SPTLC3: variants seen among roughly 807,000 people sequenced by gnomAD.
SPTLC3 encodes the protein serine palmitoyltransferase long chain base subunit 3, also known as serine palmitoyltransferase 3.
In SPTLC3, 36 loss-of-function variants were observed where a neutral mutation model predicts 59.3. The ratio of observed to expected loss-of-function variants is 0.61; its 90% confidence interval spans 0.47 to 0.80. SPTLC3 has a LOEUF of 0.80. Ranked by LOEUF, SPTLC3 falls within the 30% of genes least tolerant of loss-of-function variation. The pLI is 0.00. For missense variants in SPTLC3, 625 were observed against 685.1 expected (o/e 0.91, Z 0.98); for synonymous variants, 257 against 240.8 (o/e 1.07, Z -0.62).
intron 9 of SPTLC3, among the ~76,000 whole-genome samples, chr20:13,137,448 TC>T (rs2038274568): frequency 6.6e-6 from 1 of 152,186 alleles, no homozygotes; most frequent in Non-Finnish European, 1.5e-5. Flanking sequence ...GATTTTTTAT[TC>T]ATATTTGGTT....
At chr20:13,117,087 T>C (rs948602519) in intron 7 of SPTLC3, among the ~76,000 whole-genome samples, 3 of 152,236 alleles carry the variant, frequency 2.0e-5, no homozygotes, top group Admixed American at 2.0e-4. Context: ...AAGCACCAAA[T>C]TTAAGTCAAA....
intron 10 of SPTLC3, among the ~76,000 whole-genome samples, chr20:13,157,166 G>A (rs570815485): frequency 3.3e-5 from 5 of 152,100 alleles, no homozygotes; most frequent in East Asian, 1.9e-4. Context: ...AGCCGGGTAC[G>A]GTAGCTCATG....
At chr20:13,145,761 A>C (rs748610533) in intron 9 of SPTLC3, among the ~76,000 whole-genome samples, 4 of 152,244 alleles carry the variant, frequency 2.6e-5, no homozygotes, top group Non-Finnish European at 5.9e-5. Flanking sequence ...TACAGCAACC[A>C]AAACAGCATG....
Position 13,167,021 on chromosome 20 carries a change from A to T in SPTLC3, c.*2154A>T, listed in dbSNP as rs192828813. 141 of 152,336 alleles carry T rather than the reference A, an allele frequency of 9.3e-4. No homozygotes were observed. Among genetic ancestry groups the T allele is most frequent in the African/African-American group, 3.3e-3 (137 of 41,580 alleles). 9.4% of individuals were successfully genotyped at this position (152,336 alleles called of 1,614,324 possible). A position where few individuals can be genotyped will look rare whatever the true frequency, so the allele number is the denominator to read the frequency against. ...CAAAACAAAAGGACCTGTTTCTGTTAGAGAGTCCATGTTGAATATACAGGT... is the reference window on the plus strand; with the variant it reads ...CAAAACAAAAGGACCTGTTTCTGTTTGAGAGTCCATGTTGAATATACAGGT... On this transcript the variant is annotated 3_prime_UTR_variant, in exon 12 of 12. Transcript: ENST00000399002.
At chr20:13,128,760 G>A (rs1238667624) in intron 9 of SPTLC3, among the ~76,000 whole-genome samples, 1 of 151,764 alleles carries the variant, frequency 6.6e-6, no homozygotes, top group African/African-American at 2.4e-5. Context: ...ACATGATCTT[G>A]GCTCACTACA....
chr20:13,078,625 A>G (rs6131429), intron 4 of SPTLC3, among the ~76,000 whole-genome samples: 41,812 of 152,128 alleles, frequency 0.27, 5,910 homozygotes, highest in Middle Eastern at 0.34. Context: ...TCATTCTCTA[A>G]GTTAATGAAT....
chr20:13,103,629 C>A (rs1398379703), intron 6 of SPTLC3, among the ~76,000 whole-genome samples: 1 of 152,122 alleles, frequency 6.6e-6, no homozygotes, highest in African/African-American at 2.4e-5. Context: ...AAGAATAAAC[C>A]ACCAACCACA....
intron 4 of SPTLC3, among the ~76,000 whole-genome samples, chr20:13,075,413 C>T (rs1179277741): frequency 6.6e-6 from 1 of 152,188 alleles, no homozygotes; most frequent in Non-Finnish European, 1.5e-5. Context: ...ACATGTCCCT[C>T]TTAGGTAACC....
At chr20:13,113,019 C>T (rs1990326492) in intron 7 of SPTLC3, among the ~76,000 whole-genome samples, 2 of 152,096 alleles carry the variant, frequency 1.3e-5, no homozygotes, top group Admixed American at 6.5e-5. Context: ...CCCACCTCTA[C>T]TAAAAAGACA....
chr20:13,158,282 A>C (rs1486813345), intron 10 of SPTLC3, among the ~76,000 whole-genome samples: 1 of 152,176 alleles, frequency 6.6e-6, no homozygotes, highest in Admixed American at 6.5e-5. Flanking sequence ...TCATTATATA[A>C]AATTTCCAGT....
chr20:13,013,361 C>T lies in SPTLC3; in HGVS notation c.117+3977C>T, dbSNP rs150858935. Reference sequence around the variant, plus strand: ...CAAACAGTGGTAGCTGCCTGACAGCCGTGGTAAGTACCTGTGTCTGTGGGG... The same window carrying T: ...CAAACAGTGGTAGCTGCCTGACAGCTGTGGTAAGTACCTGTGTCTGTGGGG... On this transcript the variant is annotated intron_variant, in intron 1 of 11. Transcript: ENST00000399002. 6.6e-5 allele frequency among the ~76,000 whole-genome samples: 10 copies of T among 152,294 alleles called. No homozygotes were observed. The East Asian group carries it at 1.7e-3, about 26-fold the overall frequency.
At chr20:13,033,707 A>C (rs1012111918) in intron 1 of SPTLC3, among the ~76,000 whole-genome samples, 8 of 152,182 alleles carry the variant, frequency 5.3e-5, no homozygotes, top group Non-Finnish European at 7.4e-5. Flanking sequence ...TTATTTTTGC[A>C]AGTGATCTTT....
At chr20:13,161,548 C>T (rs141076249) in intron 11 of SPTLC3, among the ~76,000 whole-genome samples, 24 of 152,236 alleles carry the variant, frequency 1.6e-4, no homozygotes, top group African/African-American at 5.5e-4. Context: ...CCCAGACTTA[C>T]ATGGAACTAG....
At chr20:13,119,276 ATGT>A (rs1463855134) in intron 8 of SPTLC3, among the ~76,000 whole-genome samples, 3 of 152,336 alleles carry the variant, frequency 2.0e-5, no homozygotes, top group East Asian at 1.9e-4. Context: ...AATTCTTGAA[ATGT>A]TGTCAAATTT....
At chr20:13,127,545 C>T (rs925631626) in intron 9 of SPTLC3, among the ~76,000 whole-genome samples, 4 of 152,148 alleles carry the variant, frequency 2.6e-5, no homozygotes, top group Non-Finnish European at 5.9e-5. Flanking sequence ...TGGGGTACTC[C>T]ATCAGTTTTC....
At chr20:13,109,961 T>C in intron 6 of SPTLC3, 151 bp from the exon 7 acceptor site, 1 of 602,466 alleles carries the variant, frequency 1.7e-6, no homozygotes, top group South Asian at 2.1e-5. Context: ...AATAGACCTC[T>C]GTCTCTCTCT....
chr20:13,157,797 C>G (rs938768290), intron 10 of SPTLC3, among the ~76,000 whole-genome samples: 1 of 152,104 alleles, frequency 6.6e-6, no homozygotes, highest in Non-Finnish European at 1.5e-5. Flanking sequence ...TGTGATATTT[C>G]TTTGTTGGAA....
chr20:13,024,002 T>C (rs1355284831), intron 1 of SPTLC3, among the ~76,000 whole-genome samples: 1 of 152,144 alleles, frequency 6.6e-6, no homozygotes, highest in Non-Finnish European at 1.5e-5. Context: ...TGCGATCTGT[T>C]TTCCTATGAA....
In SPTLC3 at chr20:13,063,714, C is replaced by T. The variant is rs1365253513; in HGVS notation, c.304-8542C>T. 1.2e-4 allele frequency among the ~76,000 whole-genome samples: 18 copies of T among 148,926 alleles called. No individual in the cohort carries two copies. In the East Asian group the frequency reaches 3.1e-3, roughly 25 times the overall value. On this transcript the variant is annotated intron_variant, in intron 2 of 11. Coordinates refer to ENST00000399002, the MANE Select transcript of SPTLC3 (RefSeq NM_018327.4). ...TGTCTCCCAGGCTGGAGTGCAGTGG[C>T]GTGGTGTCAGCTCACTGCAAACCTT...
Sources: gnomAD v4.1 joint callset for allele counts (sites outside exome capture counted in the v4.1 genomes callset) on GRCh38, gnomAD v4.1.1 for gene constraint, MANE v1.5 for transcripts, NCBI Gene and HGNC (gene_info 2026-07-23, HGNC 2026-07-21) for gene names.